HMGB1: variants seen among roughly 807,000 people sequenced by gnomAD.
The protein encoded by HMGB1 is high mobility group protein B1.
For missense variants in HMGB1, 79 were observed against 253.5 expected, an observed-to-expected ratio of 0.31 and a Z score of 4.67; for synonymous variants, 81 against 84.0, an observed-to-expected ratio of 0.96 and a Z score of 0.19.
intron 1 of HMGB1, among the ~76,000 whole-genome samples, chr13:30,527,640 G>A (rs1172499002): frequency 6.6e-6 from 1 of 152,090 alleles, no homozygotes; most frequent in Non-Finnish European, 1.5e-5. Context: ...AAAAGAGATG[G>A]AGAGGAGATG....
chr13:30,518,080 G>A (rs369377936), intron 1 of HMGB1, among the ~76,000 whole-genome samples: 5 of 151,992 alleles, frequency 3.3e-5, no homozygotes, highest in East Asian at 3.9e-4. Flanking sequence ...CCTGTAATCC[G>A]AACACTTATG....
intron 1 of HMGB1, among the ~76,000 whole-genome samples, chr13:30,599,639 G>C (rs1365119174): frequency 6.6e-6 from 1 of 152,176 alleles, no homozygotes; most frequent in Non-Finnish European, 1.5e-5. Flanking sequence ...CTGCTTTCTT[G>C]AAATGTCCTC....
At chr13:30,494,124 A>G (rs1887559174) in intron 1 of HMGB1, among the ~76,000 whole-genome samples, 1 of 152,052 alleles carries the variant, frequency 6.6e-6, no homozygotes, top group African/African-American at 2.4e-5. Flanking sequence ...CAAACTTCAC[A>G]TTTCTCCAAC....
At chr13:30,474,734 G>A (rs1021039783) in intron 1 of HMGB1, among the ~76,000 whole-genome samples, 6 of 149,282 alleles carry the variant, frequency 4.0e-5, no homozygotes, top group Non-Finnish European at 8.9e-5. Context: ...CAGCCTGGGC[G>A]ACAGAGCGAG....
chr13:30,537,115 T>C (rs1269158979), intron 1 of HMGB1, among the ~76,000 whole-genome samples: 1 of 152,236 alleles, frequency 6.6e-6, no homozygotes, highest in Non-Finnish European at 1.5e-5. Context: ...ACCTTCTCAG[T>C]TGATTGACAG....
intron 1 of HMGB1, chr13:30,465,209 G>A (rs1328551149): frequency 1.3e-6 from 1 of 755,054 alleles, no homozygotes; most frequent in African/African-American, 2.2e-5. Context: ...CGCCGCCGCC[G>A]CGACCGGGCC....
intron 1 of HMGB1, among the ~76,000 whole-genome samples, chr13:30,482,255 T>A (rs1331814405): frequency 1.3e-5 from 2 of 152,206 alleles, no homozygotes; most frequent in Admixed American, 6.5e-5. Flanking sequence ...CCTCCTCCTC[T>A]CCCTTTCTCT....
intron 1 of HMGB1, among the ~76,000 whole-genome samples, chr13:30,503,606 C>T (rs1593279131): frequency 6.7e-6 from 1 of 148,516 alleles, no homozygotes; most frequent in East Asian, 2.0e-4. Context: ...TTTGCGGCTG[C>T]TATAATACAA....
At chr13:30,614,752 A>C (rs922670693) in intron 1 of HMGB1, among the ~76,000 whole-genome samples, 9 of 152,070 alleles carry the variant, frequency 5.9e-5, no homozygotes, top group Non-Finnish European at 1.2e-4. Context: ...GCTGGAGTGC[A>C]GTGGTGTAAT....
At chr13:30,558,106 G>C (rs1037101417) in intron 1 of HMGB1, among the ~76,000 whole-genome samples, 3 of 151,886 alleles carry the variant, frequency 2.0e-5, no homozygotes, top group African/African-American at 7.3e-5. Flanking sequence ...AAAAAAAAAG[G>C]ATAATGAAGA....
upstream of HMGB1, among the ~76,000 whole-genome samples, chr13:30,467,039 G>C (rs1265180135): frequency 6.6e-6 from 1 of 152,206 alleles, no homozygotes; most frequent in Non-Finnish European, 1.5e-5. Flanking sequence ...ACAGGCTGTG[G>C]TTTCTCTAAC....
At chr13:30,580,637 C>T (rs1167144809) in intron 1 of HMGB1, among the ~76,000 whole-genome samples, 1 of 152,130 alleles carries the variant, frequency 6.6e-6, no homozygotes, top group Non-Finnish European at 1.5e-5. Context: ...AAACAGATAC[C>T]AATCATTTAT....
chr13:30,503,953 A>C (rs1447878704), intron 1 of HMGB1, among the ~76,000 whole-genome samples: 3 of 151,992 alleles, frequency 2.0e-5, no homozygotes, highest in Non-Finnish European at 4.4e-5. Context: ...ACATACATAC[A>C]TACCTACATA....
At chr13:30,556,142 C>T (rs575752715) in intron 1 of HMGB1, among the ~76,000 whole-genome samples, 89 of 152,334 alleles carry the variant, frequency 5.8e-4, no homozygotes, top group African/African-American at 1.9e-3. Flanking sequence ...TGGTGGCTCA[C>T]GCCTGTAATC....
chr13:30,463,092 G>A lies in HMGB1; in HGVS notation c.296+115C>T, dbSNP rs573372363. 115 of 1,032,992 alleles carry A rather than the reference G, an allele frequency of 1.1e-4. 2 individuals are homozygous for A. The South Asian group carries it at 1.5e-3, about 14-fold the overall frequency. 64.0% of individuals were successfully genotyped at this position (1,032,992 alleles called of 1,614,324 possible). On this transcript the variant is annotated intron_variant, in intron 3 of 4. Transcript: ENST00000341423. Reference sequence around the variant, plus strand: ...ATATAACCAATATGAACAAGTATTAGCTAAGAAACTTTGATTGTACATTTA... The same window carrying A: ...ATATAACCAATATGAACAAGTATTAACTAAGAAACTTTGATTGTACATTTA...
intron 1 of HMGB1, among the ~76,000 whole-genome samples, chr13:30,532,035 T>C (rs1888507242): frequency 6.6e-6 from 1 of 151,604 alleles, no homozygotes; most frequent in Non-Finnish European, 1.5e-5. Flanking sequence ...ATGTCCATAA[T>C]CTATGTATTT....
At chr13:30,602,401 A>G (rs1055061052) in intron 1 of HMGB1, among the ~76,000 whole-genome samples, 13 of 152,202 alleles carry the variant, frequency 8.5e-5, no homozygotes, top group African/African-American at 3.1e-4. Flanking sequence ...ATAATAAACG[A>G]TGTTTTTTAA....
At chr13:30,463,961 T>A in intron 1 of HMGB1, 1 of 375,250 alleles carries the variant, frequency 2.7e-6, no homozygotes, top group Non-Finnish European at 4.1e-6. Context: ...ATTCCCTATC[T>A]ATCCGCCCGA....
chr13:30,545,180 A>T (rs1869092681), intron 1 of HMGB1, among the ~76,000 whole-genome samples: 1 of 152,038 alleles, frequency 6.6e-6, no homozygotes, highest in Non-Finnish European at 1.5e-5. Flanking sequence ...CGAGGCATTT[A>T]AAATGCTGAT....
Sources: allele counts gnomAD v4.1 joint callset (sites outside exome capture counted in the v4.1 genomes callset), GRCh38; gene constraint gnomAD v4.1.1; transcripts MANE v1.5; gene names NCBI Gene and HGNC (gene_info 2026-07-23, HGNC 2026-07-21).